TMEM163: variants seen among roughly 807,000 people sequenced by gnomAD.
The protein encoded by TMEM163 is transmembrane protein 163.
In TMEM163, 17 loss-of-function variants were observed where a neutral mutation model predicts 29.3. That is an observed-to-expected ratio of 0.58 (90% CI 0.40 to 0.87). The LOEUF (loss-of-function observed/expected upper bound fraction) is 0.87. Ranked by LOEUF, TMEM163 falls within the 40% of genes least tolerant of loss-of-function variation. The pLI is 0.00. For missense variants in TMEM163, 303 were observed against 381.5 expected (o/e 0.79, Z 1.71); for synonymous variants, 157 against 160.6 (o/e 0.98, Z 0.17).
chr2:134,614,190 C>A (rs1682562081), intron 2 of TMEM163, among the ~76,000 whole-genome samples: 2 of 152,186 alleles, frequency 1.3e-5, no homozygotes, highest in Admixed American at 6.5e-5. Context: ...TCAATTATTT[C>A]TGACAAAGAT....
At position 134,679,704 on chromosome 2, in the gene TMEM163, A is replaced by C. The variant is rs968056864; in HGVS notation, c.322+33496T>G. ...TAGGGATAACTAAACCCATTCTACAAATGACCAAAGAGACGCAGAGATACT... is the reference window on the plus strand; with the variant it reads ...TAGGGATAACTAAACCCATTCTACACATGACCAAAGAGACGCAGAGATACT... On this transcript the variant is annotated intron_variant, in intron 2 of 7. Coordinates refer to ENST00000281924, the MANE Select transcript of TMEM163 (RefSeq NM_030923.5). 2.0e-5 allele frequency among the ~76,000 whole-genome samples: 3 copies of C among 152,210 alleles called. No individual in the cohort carries two copies. In the East Asian group the frequency reaches 5.8e-4, roughly 29 times the overall value.
chr2:134,596,654 T>G (rs1682090780), intron 2 of TMEM163, among the ~76,000 whole-genome samples: 1 of 152,194 alleles, frequency 6.6e-6, no homozygotes, highest in Admixed American at 6.5e-5. Flanking sequence ...GTGAAGAAAG[T>G]CATTGGTAGC....
intron 5 of TMEM163, among the ~76,000 whole-genome samples, chr2:134,473,980 A>G (rs1686861897): frequency 6.6e-6 from 1 of 152,220 alleles, no homozygotes; most frequent in Non-Finnish European, 1.5e-5. Flanking sequence ...TCTTTCAGAA[A>G]AAAAAAGATA....
chr2:134,485,191 G>A (rs35562432), intron 5 of TMEM163, among the ~76,000 whole-genome samples: 1 of 152,142 alleles, frequency 6.6e-6, no homozygotes, highest in Admixed American at 6.5e-5. Flanking sequence ...TCCTGGCTTA[G>A]CCTAGCCTAA....
At chr2:134,700,838 G>T (rs964616759) in intron 2 of TMEM163, among the ~76,000 whole-genome samples, 1 of 151,952 alleles carries the variant, frequency 6.6e-6, no homozygotes, top group Admixed American at 6.6e-5. Context: ...GGCAGAGGTT[G>T]CAGTGAGCTG....
chr2:134,555,641 T>A (rs541435683), intron 2 of TMEM163, among the ~76,000 whole-genome samples: 4 of 152,242 alleles, frequency 2.6e-5, no homozygotes, highest in Admixed American at 6.5e-5. Context: ...TAGAAACACA[T>A]TGCTATCTGA....
intron 4 of TMEM163, among the ~76,000 whole-genome samples, chr2:134,547,713 C>T (rs1432787074): frequency 2.0e-5 from 3 of 152,200 alleles, no homozygotes; most frequent in Non-Finnish European, 4.4e-5. Context: ...TTAGGAATCT[C>T]CAAGTGAATT....
chr2:134,572,526 G>A (rs952297227), intron 2 of TMEM163, among the ~76,000 whole-genome samples: 1 of 152,082 alleles, frequency 6.6e-6, no homozygotes, highest in Non-Finnish European at 1.5e-5. Context: ...TTTAAAGCTG[G>A]AGGAGTCCTT....
intron 2 of TMEM163, among the ~76,000 whole-genome samples, chr2:134,694,026 A>T (rs1684529886): frequency 6.6e-6 from 1 of 152,106 alleles, no homozygotes; most frequent in Non-Finnish European, 1.5e-5. Context: ...GAGCTTGGAA[A>T]CTTAGGAAAG....
intron 4 of TMEM163, among the ~76,000 whole-genome samples, chr2:134,507,153 A>C (rs1320439966): frequency 6.6e-6 from 1 of 151,978 alleles, no homozygotes; most frequent in Non-Finnish European, 1.5e-5. Flanking sequence ...CCTGCCCAAC[A>C]CGGACAAACC....
chr2:134,600,550 G>A (rs748818931), intron 2 of TMEM163, among the ~76,000 whole-genome samples: 4 of 152,118 alleles, frequency 2.6e-5, no homozygotes, highest in African/African-American at 7.2e-5. Context: ...GCTATAGTTC[G>A]AATGCTGGTC....
At chr2:134,714,210 T>C (rs1012732758) in intron 1 of TMEM163, among the ~76,000 whole-genome samples, 2 of 152,208 alleles carry the variant, frequency 1.3e-5, no homozygotes, top group African/African-American at 4.8e-5. Context: ...CTGTAGATCA[T>C]ATACAGCATC....
chr2:134,621,587 C>G (rs1682735182), intron 2 of TMEM163, among the ~76,000 whole-genome samples: 1 of 152,262 alleles, frequency 6.6e-6, no homozygotes, highest in Admixed American at 6.5e-5. Context: ...AGTCTATCAA[C>G]TAAATAAATA....
intron 2 of TMEM163, among the ~76,000 whole-genome samples, chr2:134,649,684 C>T (rs1683420600): frequency 6.6e-6 from 1 of 152,042 alleles, no homozygotes; most frequent in African/African-American, 2.4e-5. Context: ...GTGTTGGAAT[C>T]GGTAAAATAA....
At chr2:134,661,162 G>GCTCTCTCTCT (rs10660772) in intron 2 of TMEM163, among the ~76,000 whole-genome samples, 10 of 150,222 alleles carry the variant, frequency 6.7e-5, no homozygotes, top group African/African-American at 2.0e-4. Context: ...GCTCTTGCTT[G>GCTCTCTCTCT]CTCTCTCTCT....
chr2:134,597,034 A>G (rs1164965545), intron 2 of TMEM163, among the ~76,000 whole-genome samples: 1 of 152,182 alleles, frequency 6.6e-6, no homozygotes, highest in African/African-American at 2.4e-5. Flanking sequence ...GGGGTTTTCT[A>G]GATATACAAT....
intron 6 of TMEM163, among the ~76,000 whole-genome samples, chr2:134,464,635 G>T (rs941086186): frequency 1.3e-5 from 2 of 152,164 alleles, no homozygotes; most frequent in Non-Finnish European, 2.9e-5. Flanking sequence ...CTTCCCAAGA[G>T]ACCGTGTTGC....
chr2:134,565,149 A>T (rs1681271613), intron 2 of TMEM163, among the ~76,000 whole-genome samples: 1 of 152,086 alleles, frequency 6.6e-6, no homozygotes, highest in African/African-American at 2.4e-5. Flanking sequence ...GAGGCACACG[A>T]ATCGATTGAA....
At chr2:134,486,779 T>C (rs1258245817) in intron 5 of TMEM163, among the ~76,000 whole-genome samples, 1 of 152,222 alleles carries the variant, frequency 6.6e-6, no homozygotes, top group Non-Finnish European at 1.5e-5. Flanking sequence ...AGACCAATGT[T>C]ACTTAAAAGC....
Sources: allele counts gnomAD v4.1 joint callset (sites outside exome capture counted in the v4.1 genomes callset), GRCh38; gene constraint gnomAD v4.1.1; transcripts MANE v1.5; gene names NCBI Gene and HGNC (gene_info 2026-07-23, HGNC 2026-07-21).